The following CFAP20DC variants were observed in gnomAD, a reference collection of about 807,000 sequenced individuals.
The protein encoded by CFAP20DC is protein CFAP20DC.
In CFAP20DC, 84 loss-of-function variants were observed where a neutral mutation model predicts 101.7. The observed-to-expected ratio is 0.83, with a 90% confidence interval of 0.69 to 0.99. The LOEUF (loss-of-function observed/expected upper bound fraction) is 0.99, where lower values mean the gene tolerates loss of function less well. Among genes scored for constraint, CFAP20DC ranks in the 50% least tolerant of loss-of-function variants. CFAP20DC has a pLI of 0.00. For missense variants in CFAP20DC, 1,007 were observed against 970.3 expected (o/e 1.04, Z -0.50); for synonymous variants, 359 against 351.2 (o/e 1.02, Z -0.25).
rs143030928 is a variant in CFAP20DC at position 58,901,657 on chromosome 3, G to T, written c.550+12051C>A. ...TAAGTGATTTTTTTAATAACAAAAG[G>T]TTTTGATGTCTGAAGGGGTAAATAA... On this transcript the variant is annotated intron_variant, in intron 6 of 16. Coordinates refer to ENST00000482387, the MANE Select transcript of CFAP20DC (RefSeq NM_001394063.1). Among the ~76,000 whole-genome samples the T allele has an allele frequency of 3.0e-3, 453 of 152,230 alleles. 1 individual carries two copies. Among genetic ancestry groups the T allele is most frequent in the African/African-American group, 0.011 (438 of 41,510 alleles).
At chr3:58,949,262 G>GT (rs936794389) in intron 4 of CFAP20DC, among the ~76,000 whole-genome samples, 6 of 151,722 alleles carry the variant, frequency 4.0e-5, no homozygotes, top group Non-Finnish European at 7.4e-5. Context: ...TTTTTTGAAG[G>GT]TTTTTTTTGT....
intron 16 of CFAP20DC, among the ~76,000 whole-genome samples, chr3:58,748,929 A>G (rs1053395046): frequency 6.6e-6 from 1 of 152,194 alleles, no homozygotes; most frequent in East Asian, 1.9e-4. Flanking sequence ...AAGTGGGAAC[A>G]TAATATAACC....
chr3:58,760,113 A>C (rs1487969382), intron 15 of CFAP20DC, among the ~76,000 whole-genome samples: 1 of 152,172 alleles, frequency 6.6e-6, no homozygotes. Flanking sequence ...TGAATCTATA[A>C]ATTACCTTGG....
intron 3 of CFAP20DC, among the ~76,000 whole-genome samples, chr3:59,043,251 G>A (rs1576820236): frequency 6.6e-6 from 1 of 152,242 alleles, no homozygotes; most frequent in Middle Eastern, 3.4e-3. Flanking sequence ...ATTAATTCAA[G>A]TTGGGGAAAA....
At chr3:58,803,220 C>T (rs978022513) in intron 15 of CFAP20DC, among the ~76,000 whole-genome samples, 2 of 152,222 alleles carry the variant, frequency 1.3e-5, no homozygotes, top group African/African-American at 4.8e-5. Context: ...TGCTTGTCCA[C>T]ACCACCCCGT....
intron 12 of CFAP20DC, among the ~76,000 whole-genome samples, chr3:58,849,828 A>C (rs934408423): frequency 2.0e-5 from 3 of 152,180 alleles, no homozygotes; most frequent in Non-Finnish European, 4.4e-5. Context: ...TATTTAGCCT[A>C]CTTAAGCAGA....
chr3:59,039,701 A>G, intron 3 of CFAP20DC, 72 bp from the exon 4 acceptor site: 1 of 909,192 alleles, frequency 1.1e-6, no homozygotes, highest in Non-Finnish European at 1.6e-6. Flanking sequence ...ACACAATCAC[A>G]AACCACGAAC....
intron 15 of CFAP20DC, among the ~76,000 whole-genome samples, chr3:58,779,595 C>T (rs2071638463): frequency 1.3e-5 from 2 of 152,060 alleles, no homozygotes; most frequent in South Asian, 4.1e-4. Flanking sequence ...CATCAACAGA[C>T]TAGATCGAGC....
intron 6 of CFAP20DC, among the ~76,000 whole-genome samples, chr3:58,911,312 T>C (rs1413592906): frequency 2.0e-5 from 3 of 152,172 alleles, no homozygotes; most frequent in Admixed American, 6.6e-5. Flanking sequence ...ACAACATAAA[T>C]GAATCTCACA....
At chr3:58,824,479 T>C (rs1034756481) in intron 14 of CFAP20DC, 1 of 152,104 alleles carries the variant, frequency 6.6e-6, no homozygotes, top group Non-Finnish European at 1.5e-5. Flanking sequence ...GCAGCTTTGC[T>C]TTTCCATGAT....
intron 5 of CFAP20DC, among the ~76,000 whole-genome samples, chr3:58,917,781 C>G (rs2084896888): frequency 6.6e-6 from 1 of 152,048 alleles, no homozygotes; most frequent in South Asian, 2.1e-4. Context: ...AAGCAATTAC[C>G]TATTACTAAT....
chr3:58,820,044 CAT>C (rs1386407526), intron 14 of CFAP20DC, among the ~76,000 whole-genome samples: 2 of 150,294 alleles, frequency 1.3e-5, no homozygotes, highest in African/African-American at 2.5e-5. Context: ...ACAAAAACCA[CAT>C]GATTATCTCA....
Position 58,788,215 on chromosome 3 carries a change from C to T in CFAP20DC, c.2237+18180G>A, listed in dbSNP as rs1020523243. Among the ~76,000 whole-genome samples the T allele has an allele frequency of 1.3e-5, 2 of 151,722 alleles. No homozygotes were observed. Among genetic ancestry groups the T allele is most frequent in the Non-Finnish European group, 2.9e-5 (2 of 67,940 alleles). ...AAACAAAACTCCAACTCACTGCATA[C>T]AGACAGATTCTGAGCACGCAGTGAG... On this transcript the variant is annotated intron_variant, in intron 15 of 16. Coordinates refer to ENST00000482387, the MANE Select transcript of CFAP20DC (RefSeq NM_001394063.1). The surrounding 1 kb of genome is among the most constrained non-coding windows in gnomAD (Gnocchi z 4.2).
At chr3:58,985,128 A>G (rs774135319) in intron 4 of CFAP20DC, among the ~76,000 whole-genome samples, 34 of 152,098 alleles carry the variant, frequency 2.2e-4, no homozygotes, top group African/African-American at 5.1e-4. Context: ...GGGTTTTGCT[A>G]TGTTGCCCAG....
At position 58,883,577 on chromosome 3, in the gene CFAP20DC, A is replaced by AT. The variant is rs2081379573; in HGVS notation, c.715+967dup. ...ACAACCTCACATCTATTTATTTATT[A>AT]TAAGTACTTATTTATATAAGTATAG... On this transcript the variant is annotated intron_variant, in intron 7 of 16. Transcript: ENST00000482387. Among the ~76,000 whole-genome samples the AT allele has an allele frequency of 2.0e-5, 3 of 152,286 alleles. No homozygotes were observed. The South Asian group carries it at 6.2e-4, about 32-fold the overall frequency.
intron 15 of CFAP20DC, among the ~76,000 whole-genome samples, chr3:58,773,291 C>G (rs559583893): frequency 1.3e-5 from 2 of 151,532 alleles, no homozygotes; most frequent in South Asian, 4.2e-4. Flanking sequence ...TGGCTCATGC[C>G]TGTAATCCCA....
intron 4 of CFAP20DC, among the ~76,000 whole-genome samples, chr3:58,979,662 A>G (rs1428231629): frequency 1.3e-5 from 2 of 152,196 alleles, no homozygotes; most frequent in Non-Finnish European, 2.9e-5. Flanking sequence ...TCAGCACTTT[A>G]GGCGCTTGTC....
chr3:58,769,140 G>A (rs772072051), intron 15 of CFAP20DC, among the ~76,000 whole-genome samples: 2 of 152,180 alleles, frequency 1.3e-5, no homozygotes, highest in African/African-American at 2.4e-5. Flanking sequence ...ACCCTGGGCC[G>A]AATTTTGCAG....
chr3:59,030,446 G>A (rs2093969084), intron 4 of CFAP20DC, among the ~76,000 whole-genome samples: 2 of 152,140 alleles, frequency 1.3e-5, no homozygotes. Context: ...CTCACAATCT[G>A]ATAAATTCCC....
Sources: gnomAD v4.1 joint callset for allele counts (sites outside exome capture counted in the v4.1 genomes callset) on GRCh38, gnomAD v4.1.1 for gene constraint, Gnocchi (gnomAD v3.1) non-coding constraint, MANE v1.5 for transcripts, NCBI Gene and HGNC (gene_info 2026-07-23, HGNC 2026-07-21) for gene names.